PROX1: variants seen among roughly 807,000 people sequenced by gnomAD.
The protein encoded by PROX1 is prospero homeobox protein 1.
PROX1 carries 7 observed loss-of-function variants against 58.8 expected under a neutral mutation model. That is an observed-to-expected ratio of 0.12 (90% CI 0.07 to 0.22). PROX1 has a LOEUF of 0.22. Among genes scored for constraint, PROX1 ranks in the 10% least tolerant of loss-of-function variants. The probability of loss-of-function intolerance (pLI) is 1.00; values close to 1 mark genes in which losing one functional copy is unlikely to be tolerated. For synonymous variants in PROX1, 350 were observed against 358.3 expected, an observed-to-expected ratio of 0.98 and a Z score of 0.26; for missense variants, 675 against 927.8, an observed-to-expected ratio of 0.73 and a Z score of 3.54.
chr1:214,034,907 C>T (rs1032988139), intron 4 of PROX1, among the ~76,000 whole-genome samples: 1 of 152,018 alleles, frequency 6.6e-6, no homozygotes, highest in Admixed American at 6.6e-5. Context: ...GTACATAAAA[C>T]ATAGCCTGGC....
intron 1 of PROX1, among the ~76,000 whole-genome samples, chr1:213,993,298 A>T (rs1376155295): frequency 6.6e-6 from 1 of 152,208 alleles, no homozygotes; most frequent in Non-Finnish European, 1.5e-5. Context: ...AGTGTTGATC[A>T]AAAGCTTCAT....
chr1:214,018,684 T>C (rs777815782), intron 4 of PROX1, among the ~76,000 whole-genome samples: 11 of 152,258 alleles, frequency 7.2e-5, no homozygotes, highest in Admixed American at 2.0e-4. Context: ...TACATTGTAG[T>C]GTTCATGACA....
At chr1:214,000,074 A>G (rs564533123) in intron 2 of PROX1, among the ~76,000 whole-genome samples, 30 of 152,254 alleles carry the variant, frequency 2.0e-4, no homozygotes, top group African/African-American at 5.8e-4. Context: ...ACAGACACAC[A>G]CACACAGAGT....
intron 1 of PROX1, among the ~76,000 whole-genome samples, chr1:213,990,290 T>A (rs935457987): frequency 2.6e-5 from 4 of 151,812 alleles, no homozygotes; most frequent in East Asian, 1.9e-4. Context: ...TGTGTCTGTG[T>A]GTGTCTGTAC....
At chr1:214,016,349 T>C (rs115622146) in intron 4 of PROX1, among the ~76,000 whole-genome samples, 318 of 152,302 alleles carry the variant, frequency 2.1e-3, no homozygotes, top group African/African-American at 7.4e-3. Flanking sequence ...TTTATTCGCA[T>C]TGTCATCTCT....
intron 4 of PROX1, among the ~76,000 whole-genome samples, chr1:214,012,893 G>A (rs1663962614): frequency 6.6e-6 from 1 of 152,166 alleles, no homozygotes; most frequent in African/African-American, 2.4e-5. Context: ...TGTCAATTAA[G>A]GGGTCTGACC....
At chr1:213,986,741 G>A (rs1001716382), upstream of PROX1, among the ~76,000 whole-genome samples, 7 of 152,156 alleles carry the variant, frequency 4.6e-5, no homozygotes, top group Admixed American at 4.6e-4. Flanking sequence ...AGCTTTTATA[G>A]GATCTTTAGG....
intron 2 of PROX1, among the ~76,000 whole-genome samples, chr1:214,000,800 C>T (rs1663480394): frequency 6.6e-6 from 1 of 152,162 alleles, no homozygotes; most frequent in African/African-American, 2.4e-5. Flanking sequence ...GTCTCTACCT[C>T]TGTATGGCAG....
intron 4 of PROX1, among the ~76,000 whole-genome samples, chr1:214,024,401 T>C (rs1210114936): frequency 6.6e-6 from 1 of 152,138 alleles, no homozygotes; most frequent in African/African-American, 2.4e-5. Flanking sequence ...AGGCCAATAA[T>C]CCCCATCCTT....
chr1:214,020,187 T>TATC (rs1461683586), intron 4 of PROX1, among the ~76,000 whole-genome samples: 1 of 152,308 alleles, frequency 6.6e-6, no homozygotes, highest in East Asian at 1.9e-4. Context: ...TATTGCTTAT[T>TATC]ATCTGTGTGC....
intron 4 of PROX1, among the ~76,000 whole-genome samples, chr1:214,024,463 A>G (rs918955415): frequency 6.6e-6 from 1 of 152,186 alleles, no homozygotes; most frequent in Non-Finnish European, 1.5e-5. Context: ...TTGCCAGCAG[A>G]GTGCCAGCAT....
chr1:214,031,909 G>C (rs781211752), intron 4 of PROX1, among the ~76,000 whole-genome samples: 1 of 152,042 alleles, frequency 6.6e-6, no homozygotes, highest in Non-Finnish European at 1.5e-5. Flanking sequence ...TGTACCTCTG[G>C]GAGCCACCAA....
At chr1:214,021,817 T>C (rs946448841) in intron 4 of PROX1, among the ~76,000 whole-genome samples, 2 of 152,224 alleles carry the variant, frequency 1.3e-5, no homozygotes, top group African/African-American at 4.8e-5. Context: ...TGATTGTGTC[T>C]ATAGGACATA....
At chr1:214,035,159 T>G (rs1460092070) in intron 4 of PROX1, among the ~76,000 whole-genome samples, 2 of 152,206 alleles carry the variant, frequency 1.3e-5, no homozygotes, top group Non-Finnish European at 2.9e-5. Context: ...GACAAACAGA[T>G]AACTGAGATT....
rs768496956 is a variant in PROX1, at chr1:213,996,832, T to C, written c.297T>C (p.Asn99=). 6.2e-7 allele frequency: 1 copy of C among 1,613,782 alleles called. No individual in the cohort carries two copies. The highest frequency in any genetic ancestry group is 1.1e-5 in the South Asian group (1 of 91,062). The change falls in exon 2 of 5, where the codon AAT becomes AAC. Residue 99 remains asparagine (N), a synonymous_variant. Transcript: ENST00000366958. ...CCATAATTTCCCAGCTGTTGAAAAATAACATGAACAAAAATGGTGGCACGG... is the reference window on the plus strand; with the variant it reads ...CCATAATTTCCCAGCTGTTGAAAAACAACATGAACAAAAATGGTGGCACGG... ...GATIISQLLK[N]NMNKNGGTEP...
In PROX1 at chr1:213,997,732, C is replaced by T. The variant is rs761982085; in HGVS notation, c.1197C>T (p.Asn399=). ...CCAGATTTGCAGTCAATGGGGAAAA[C>T]CACAATTTCCACACCGCCAACCAGC... ...PQARFAVNGE[N]HNFHTANQRL... The change falls in exon 2 of 5, where the codon AAC becomes AAT. Residue 399 remains asparagine, a synonymous_variant. Transcript: ENST00000366958. The surrounding 1 kb of genome is among the most constrained non-coding windows in gnomAD (Gnocchi z 7.1). The T allele has an allele frequency of 3.7e-6, 6 of 1,613,972 alleles. No individual in the cohort carries two copies. Among genetic ancestry groups the T allele is most frequent in the Non-Finnish European group, 5.1e-6 (6 of 1,179,992 alleles).
At chr1:214,008,422 ACAAC>A (rs374198292) in intron 3 of PROX1, among the ~76,000 whole-genome samples, 3 of 150,496 alleles carry the variant, frequency 2.0e-5, no homozygotes, top group East Asian at 1.9e-4. Context: ...AACAACAACA[ACAAC>A]AAAAAAAACC....
chr1:214,023,460 G>A (rs768250972), intron 4 of PROX1, among the ~76,000 whole-genome samples: 16 of 151,990 alleles, frequency 1.1e-4, no homozygotes, highest in African/African-American at 3.9e-4. Context: ...GGGCTCCAGC[G>A]ATTCTCCTGC....
At position 213,996,889 on chromosome 1, in the gene PROX1, T is replaced by C. The variant is rs767888958; in HGVS notation, c.354T>C (p.Ser118=). Residue 118 remains serine (S), a synonymous_variant, in exon 2 of 5, where the codon AGT becomes AGC. Coordinates refer to ENST00000366958, the MANE Select transcript of PROX1 (RefSeq NM_001270616.2). ...EPSFQASGLS[S]TGSEVHQEDI... is the part of the protein sequence containing the mutation. ...GTTTCCAAGCCAGCGGTCTCTCTAGTACAGGCTCCGAAGTACATCAGGAGG... is the reference window on the plus strand; with the variant it reads ...GTTTCCAAGCCAGCGGTCTCTCTAGCACAGGCTCCGAAGTACATCAGGAGG... 8.7e-6 allele frequency: 14 copies of C among 1,613,990 alleles called. No homozygotes were observed. The East Asian group carries it at 2.7e-4, about 31-fold the overall frequency.
Sources: allele counts gnomAD v4.1 joint callset (sites outside exome capture counted in the v4.1 genomes callset), GRCh38; gene constraint gnomAD v4.1.1; non-coding constraint Gnocchi (gnomAD v3.1); transcripts MANE v1.5; gene names NCBI Gene and HGNC (gene_info 2026-07-23, HGNC 2026-07-21).